The following OR9Q1 variants were observed in gnomAD, a reference collection of about 807,000 sequenced individuals.
OR9Q1 encodes olfactory receptor family 9 subfamily Q member 1.
For synonymous variants in OR9Q1, 153 were observed against 148.6 expected (o/e 1.03, Z -0.22); for missense variants, 374 against 378.8 (o/e 0.99, Z 0.11).
intron 2 of OR9Q1, chr11:58,109,680 TC>T (rs764503078): frequency 4.7e-6 from 2 of 427,790 alleles, no homozygotes; most frequent in South Asian, 3.4e-5. Context: ...TATAGCTGGT[TC>T]ACCTGAAGAA....
intron 2 of OR9Q1, chr11:58,109,327 C>CTG: frequency 2.2e-6 from 1 of 460,864 alleles, no homozygotes; most frequent in Non-Finnish European, 4.4e-6. Context: ...CAGCAGGTAA[C>CTG]ACTCTGTGCC....
chr11:58,038,021 G>A (rs967942672), intron 1 of OR9Q1, among the ~76,000 whole-genome samples: 6 of 790 alleles, frequency 7.6e-3, no homozygotes, highest in African/African-American at 0.029. Flanking sequence ...ATGAGCTACC[G>A]CGCCCGGCCA....
intron 1 of OR9Q1, chr11:58,031,369 T>C: frequency 6.2e-7 from 1 of 1,614,232 alleles, no homozygotes; most frequent in Non-Finnish European, 8.5e-7. Context: ...ATGGGGCTTT[T>C]GTGTCCTGGG....
chr11:58,170,758 T>G (rs556699896), intron 2 of OR9Q1, among the ~76,000 whole-genome samples: 2 of 152,308 alleles, frequency 1.3e-5, no homozygotes, highest in South Asian at 4.1e-4. Flanking sequence ...CCATGTAAGA[T>G]GTGCCTTTCA....
At position 58,050,329 on chromosome 11, in the gene OR9Q1, G is replaced by C. The variant is rs1853261907; in HGVS notation, c.-92-5541G>C. Among the ~76,000 whole-genome samples the C allele has an allele frequency of 4.2e-5, 6 of 144,324 alleles. No individual in the cohort carries two copies. In the South Asian group the frequency reaches 1.4e-3, roughly 33 times the overall value. 94.7% of individuals were successfully genotyped at this position (144,324 alleles called of 152,430 possible). On this transcript the variant is annotated intron_variant, in intron 1 of 2. Transcript: ENST00000335397. Reference sequence around the variant, plus strand: ...ACTATCTGATCTTTGACAAACCTGAGAAAAACAAGCAATGGGGAAAGGATT... The same window carrying C: ...ACTATCTGATCTTTGACAAACCTGACAAAAACAAGCAATGGGGAAAGGATT...
At chr11:58,027,639 G>A (rs989607342) in intron 1 of OR9Q1, among the ~76,000 whole-genome samples, 1 of 152,134 alleles carries the variant, frequency 6.6e-6, no homozygotes, top group Non-Finnish European at 1.5e-5. Context: ...CCTGCCAGCT[G>A]TTGGCTCTAT....
rs539740086 is a variant in OR9Q1 at position 58,048,545 on chromosome 11, C to G, written c.-92-7325C>G. 8.6e-5 allele frequency among the ~76,000 whole-genome samples: 13 copies of G among 151,128 alleles called. No homozygotes were observed. The South Asian group carries it at 2.7e-3, about 32-fold the overall frequency. On this transcript the variant is annotated intron_variant, in intron 1 of 2. Transcript: ENST00000335397. ...GGCATGGTGGCACATGCTGTAGCCCCAGCTACTTGGGAGGCTGAGACAGAA... is the reference window on the plus strand; with the variant it reads ...GGCATGGTGGCACATGCTGTAGCCCGAGCTACTTGGGAGGCTGAGACAGAA...
chr11:58,176,105 C>A (rs1854604300), intron 2 of OR9Q1, among the ~76,000 whole-genome samples: 1 of 152,102 alleles, frequency 6.6e-6, no homozygotes, highest in African/African-American at 2.4e-5. Flanking sequence ...TGTAGGGTAC[C>A]CAGTTGGCCC....
At chr11:58,082,287 A>G (rs1853594646) in intron 2 of OR9Q1, among the ~76,000 whole-genome samples, 1 of 152,234 alleles carries the variant, frequency 6.6e-6, no homozygotes. Flanking sequence ...ACTATAAGAC[A>G]CATGCACAAG....
At chr11:58,079,288 T>TA (rs1853567442) in intron 2 of OR9Q1, among the ~76,000 whole-genome samples, 3 of 152,208 alleles carry the variant, frequency 2.0e-5, no homozygotes, top group South Asian at 2.1e-4. Flanking sequence ...CTCTCAATTT[T>TA]AGGGCTTTGC....
chr11:58,095,073 C>T (rs1411125072), intron 2 of OR9Q1, among the ~76,000 whole-genome samples: 1 of 152,182 alleles, frequency 6.6e-6, no homozygotes, highest in African/African-American at 2.4e-5. Context: ...CAAAAGGTTA[C>T]CAAACAAAAT....
chr11:58,145,382 GA>G (rs1171355643), intron 2 of OR9Q1: 3 of 152,426 alleles, frequency 2.0e-5, no homozygotes, highest in Non-Finnish European at 4.4e-5. Context: ...AAGAGGCTCT[GA>G]AGAAAGTTTT....
intron 2 of OR9Q1, among the ~76,000 whole-genome samples, chr11:58,082,116 G>A (rs1205120278): frequency 3.9e-5 from 6 of 152,078 alleles, no homozygotes; most frequent in Non-Finnish European, 8.8e-5. Flanking sequence ...GAAACAACAG[G>A]TGCTGGAGAG....
chr11:58,109,550 T>C, intron 2 of OR9Q1: 2 of 457,652 alleles, frequency 4.4e-6, no homozygotes, highest in Non-Finnish European at 8.8e-6. Flanking sequence ...CCCAGAAAAG[T>C]GACAAGATAG....
chr11:58,114,142 C>T (rs953066561), intron 2 of OR9Q1, among the ~76,000 whole-genome samples: 1 of 152,158 alleles, frequency 6.6e-6, no homozygotes, highest in African/African-American at 2.4e-5. Context: ...CCTAGTTTTA[C>T]ACAGCATTGC....
chr11:58,089,942 CTGTT>C (rs1408208479), intron 2 of OR9Q1, among the ~76,000 whole-genome samples: 3 of 150,026 alleles, frequency 2.0e-5, no homozygotes, highest in Non-Finnish European at 4.4e-5. Context: ...TATGATTTGG[CTGTT>C]TGTCTATTAT....
intron 2 of OR9Q1, among the ~76,000 whole-genome samples, chr11:58,114,715 A>G (rs1853934126): frequency 6.6e-6 from 1 of 152,210 alleles, no homozygotes; most frequent in African/African-American, 2.4e-5. Flanking sequence ...CAGATCTATT[A>G]GATTGGTGCA....
intron 2 of OR9Q1, chr11:58,125,187 G>A (rs61902769): frequency 0.25 from 37,435 of 148,366 alleles, 5,304 homozygotes; most frequent in Middle Eastern, 0.41. Context: ...AATCTACTTA[G>A]TGACACAAAA....
chr11:58,167,807 GA>G (rs1854519421), intron 2 of OR9Q1, among the ~76,000 whole-genome samples: 1 of 152,210 alleles, frequency 6.6e-6, no homozygotes, highest in South Asian at 2.1e-4. Flanking sequence ...AAAGGTCCAA[GA>G]GTCAAAATAG....
Sources: gnomAD v4.1 joint callset for allele counts (sites outside exome capture counted in the v4.1 genomes callset) on GRCh38, gnomAD v4.1.1 for gene constraint, MANE v1.5 for transcripts, NCBI Gene and HGNC (gene_info 2026-07-23, HGNC 2026-07-21) for gene names.